BRAF: variants seen among roughly 807,000 people sequenced by gnomAD.
BRAF encodes B-Raf proto-oncogene, serine/threonine kinase.
A neutral mutation model predicts 104.6 loss-of-function variants in BRAF; 16 were observed. The ratio of observed to expected loss-of-function variants is 0.15; its 90% CI spans 0.10 to 0.23. The LOEUF (loss-of-function observed/expected upper bound fraction) is 0.23, where lower values mean the gene tolerates loss of function less well. BRAF is among the 10% of genes least tolerant of loss of function. The pLI, the probability that BRAF is intolerant of heterozygous loss-of-function variation, is 1.00. For synonymous variants in BRAF, 310 were observed against 341.6 expected (o/e 0.91, Z 1.02); for missense variants, 541 against 937.3 (o/e 0.58, Z 5.52).
chr7:140,736,157 G>A (rs574810523), intron 18 of BRAF, among the ~76,000 whole-genome samples: 4 of 146,146 alleles, frequency 2.7e-5, no homozygotes, highest in African/African-American at 1.0e-4. Flanking sequence ...TGCAACCTCC[G>A]CCTCCCAGGT....
chr7:140,863,253 A>G (rs1810604614), intron 1 of BRAF, among the ~76,000 whole-genome samples: 1 of 152,198 alleles, frequency 6.6e-6, no homozygotes, highest in African/African-American at 2.4e-5. Flanking sequence ...ACTGACGTAA[A>G]TAAGTTGGTC....
chr7:140,723,917 A>G lies in BRAF; in HGVS notation c.*2577T>C, dbSNP rs1348733031. 9.6e-7 allele frequency: 1 copy of G among 1,043,950 alleles called. No individual in the cohort carries two copies. The highest frequency in any genetic ancestry group is 1.7e-5 in the African/African-American group (1 of 59,904). 64.7% of individuals were successfully genotyped at this position (1,043,950 alleles called of 1,614,324 possible). Reference sequence around the variant, plus strand: ...AGCATCAAAAAATAAAGCAGATAAAACACAAATAAAACCTATTTTCATGTC... The same window carrying G: ...AGCATCAAAAAATAAAGCAGATAAAGCACAAATAAAACCTATTTTCATGTC... On this transcript the variant is annotated 3_prime_UTR_variant, in exon 20 of 20. Transcript: ENST00000644969.
chr7:140,767,679 C>T (rs1165353584), intron 14 of BRAF, among the ~76,000 whole-genome samples: 1 of 152,168 alleles, frequency 6.6e-6, no homozygotes, highest in Admixed American at 6.5e-5. Context: ...TAAGGGTCTA[C>T]TTGAAGTTTT....
At position 140,725,707 on chromosome 7, in the gene BRAF, A is replaced by G. The variant is rs1327798793; in HGVS notation, c.*787T>C. ...TTTGCTACATTGTGGAGGAAAAAAA[A>G]AAAACCCAAACACTTATCTTCATTG... On this transcript the variant is annotated 3_prime_UTR_variant, in exon 20 of 20. Transcript: ENST00000644969. The G allele has an allele frequency of 3.4e-5, 36 of 1,059,534 alleles. No individual in the cohort carries two copies. Among genetic ancestry groups the G allele is most frequent in the Non-Finnish European group, 4.1e-5 (36 of 875,888 alleles). The allele number at this position is 1,059,534 out of a possible 1,614,324, so 65.6% of individuals were successfully genotyped here.
At chr7:140,801,583 G>T (rs1043275895) in intron 5 of BRAF, 23 bp from the exon 6 acceptor site, 41 of 1,606,042 alleles carry the variant, frequency 2.6e-5, no homozygotes, top group East Asian at 4.5e-5. Context: ...AAATCACAGA[G>T]ATTTCAAAAA....
intron 1 of BRAF, among the ~76,000 whole-genome samples, chr7:140,873,474 G>A (rs1319675195): frequency 6.6e-6 from 1 of 152,114 alleles, no homozygotes; most frequent in Non-Finnish European, 1.5e-5. Flanking sequence ...CCAGCCATCT[G>A]TGGCATTTTT....
intron 1 of BRAF, among the ~76,000 whole-genome samples, chr7:140,898,165 C>T (rs1815178838): frequency 6.6e-6 from 1 of 152,192 alleles, no homozygotes; most frequent in African/African-American, 2.4e-5. Context: ...GCACTCCAGC[C>T]TGGGTCTCAA....
chr7:140,885,517 G>A (rs1274845710), intron 1 of BRAF, among the ~76,000 whole-genome samples: 1 of 151,998 alleles, frequency 6.6e-6, no homozygotes, highest in Non-Finnish European at 1.5e-5. Context: ...GCCTTATTAG[G>A]GTTTCAGAAA....
At chr7:140,809,904 A>T (rs866286573) in intron 3 of BRAF, among the ~76,000 whole-genome samples, 1 of 129,004 alleles carries the variant, frequency 7.8e-6, no homozygotes, top group Non-Finnish European at 1.5e-5. Context: ...GTATATTTAA[A>T]GTTATCTATC....
intron 1 of BRAF, among the ~76,000 whole-genome samples, chr7:140,852,113 A>C (rs1230141310): frequency 1.3e-5 from 2 of 152,152 alleles, no homozygotes; most frequent in Admixed American, 1.3e-4. Flanking sequence ...TCACATCTGT[A>C]ATCCCAACAC....
In BRAF at chr7:140,723,688, CAGA is replaced by C. The variant is rs1795436736; in HGVS notation, c.*2803_*2805del. 4 of 1,051,456 alleles carry C rather than the reference CAGA, an allele frequency of 3.8e-6. No homozygotes were observed. The highest frequency in any genetic ancestry group is 4.6e-6 in the Non-Finnish European group (4 of 870,534). 65.1% of individuals were successfully genotyped at this position (1,051,456 alleles called of 1,614,324 possible). ...CCTCTGTAGTTGCTCTCAAATTTTT[CAGA>C]AGGCTTCACCTCTCCCTACCAAAAA... On this transcript the variant is annotated 3_prime_UTR_variant, in exon 20 of 20. Coordinates refer to ENST00000644969, the MANE Select transcript of BRAF (RefSeq NM_001374258.1).
At chr7:140,800,038 T>C in intron 7 of BRAF, 1 of 410,614 alleles carries the variant, frequency 2.4e-6, no homozygotes, top group South Asian at 2.6e-5. Context: ...GATCCTTAAT[T>C]TAAGCATTTA....
At chr7:140,801,644 T>C (rs1803129138) in intron 5 of BRAF, 84 bp from the exon 6 acceptor site, 2 of 1,390,398 alleles carry the variant, frequency 1.4e-6, no homozygotes, top group Non-Finnish European at 2.0e-6. Flanking sequence ...TTGTTTAAAA[T>C]AACAAAGTTG....
Position 140,719,683 on chromosome 7 carries a change from A to C in BRAF, c.*6811T>G, listed in dbSNP as rs1795230958. ...AGGGGAAAAGAGGGAGACATCATCC[A>C]TTTGACTGAAAATAAATGTCTTTTT... On this transcript the variant is annotated 3_prime_UTR_variant, in exon 20 of 20. Coordinates refer to ENST00000644969, the MANE Select transcript of BRAF (RefSeq NM_001374258.1). 1 of 1,060,226 alleles carries C rather than the reference A, an allele frequency of 9.4e-7. No homozygotes were observed. Among genetic ancestry groups the C allele is most frequent in the Non-Finnish European group, 1.1e-6 (1 of 875,174 alleles). 65.7% of individuals were successfully genotyped at this position (1,060,226 alleles called of 1,614,324 possible).
intron 1 of BRAF, among the ~76,000 whole-genome samples, chr7:140,879,359 C>T (rs776421108): frequency 2.7e-5 from 4 of 150,874 alleles, no homozygotes; most frequent in Non-Finnish European, 4.4e-5. Context: ...TTTTTGTATT[C>T]TTAGTAGAGA....
At chr7:140,840,653 C>T (rs929191193) in intron 2 of BRAF, among the ~76,000 whole-genome samples, 13 of 151,512 alleles carry the variant, frequency 8.6e-5, no homozygotes, top group South Asian at 2.1e-4. Context: ...TATCCAGGCA[C>T]AGTGACGCAT....
In BRAF at chr7:140,802,132, A is replaced by C. The variant is rs563949659; in HGVS notation, c.712-572T>G. Among the ~76,000 whole-genome samples, 24 of 152,242 alleles carry C rather than the reference A, an allele frequency of 1.6e-4. No individual in the cohort carries two copies. The South Asian group carries it at 4.4e-3, about 28-fold the overall frequency. ...AAGCAAGAAATTGTGGCTAAAAGATAATTGCAGTCATGTGTCACATAATGA... is the reference window on the plus strand; with the variant it reads ...AAGCAAGAAATTGTGGCTAAAAGATCATTGCAGTCATGTGTCACATAATGA... On this transcript the variant is annotated intron_variant, in intron 5 of 19. Coordinates refer to ENST00000644969, the MANE Select transcript of BRAF (RefSeq NM_001374258.1).
At chr7:140,872,216 AAAATAAATAAATAAAT>A (rs143275817) in intron 1 of BRAF, among the ~76,000 whole-genome samples, 1 of 130,112 alleles carries the variant, frequency 7.7e-6, no homozygotes, top group Non-Finnish European at 1.7e-5. Context: ...ACTCCATCTC[AAAATAAATAAATAAAT>A]AAATAAATAA....
At chr7:140,738,092 A>G (rs1433000009) in intron 18 of BRAF, among the ~76,000 whole-genome samples, 2 of 152,202 alleles carry the variant, frequency 1.3e-5, no homozygotes, top group Admixed American at 1.3e-4. Context: ...TCTCACCAGG[A>G]CAGTCTCAAC....
Sources: allele counts gnomAD v4.1 joint callset (sites outside exome capture counted in the v4.1 genomes callset), GRCh38; gene constraint gnomAD v4.1.1; transcripts MANE v1.5; gene names NCBI Gene and HGNC (gene_info 2026-07-23, HGNC 2026-07-21).